Variants in TRPM5 observed in about 807,000 individuals in gnomAD.
TRPM5 encodes the protein transient receptor potential cation channel subfamily M member 5.
In TRPM5, 121 loss-of-function variants were observed where a neutral mutation model predicts 124.9. That is an observed-to-expected ratio of 0.97 (90% CI 0.84 to 1.13). TRPM5 has a LOEUF of 1.13. TRPM5 is among the 50% of genes most tolerant of loss of function. The pLI, the probability that TRPM5 is intolerant of heterozygous loss-of-function variation, is 0.00. For synonymous variants in TRPM5, 781 were observed against 700.5 expected (o/e 1.11, Z -1.81); for missense variants, 1,643 against 1,589.1 (o/e 1.03, Z -0.58).
At chr11:2,414,009 G>GGGCGCCCCCCCCC in intron 12 of TRPM5, 52 bp downstream of exon 17, 22 of 1,023,708 alleles carry the variant, frequency 2.1e-5, no homozygotes, top group African/African-American at 3.3e-5. Context: ...GGCCCAGCTC[G>GGGCGCCCCCCCCC]CCCGCCCACC....
At chr11:2,411,847 G>C in intron 16 of TRPM5, 80 bp from the exon 22 acceptor site, 2 of 1,559,944 alleles carry the variant, frequency 1.3e-6, no homozygotes, top group Non-Finnish European at 1.7e-6. Context: ...CATGCTGGCT[G>C]CGGGCAGGGC....
rs138797173 is a variant in TRPM5, at chr11:2,417,737, C to T, written c.999G>A (p.Ala333=). ...CCTGCCCGCCCTCACCTTTCACCAG[C>T]GCCTTCAGGATGACCGTGTCCAGCT... Residue 333 remains alanine (A), a synonymous_variant, in exon 7 of 24, where the codon GCG becomes GCA. Coordinates refer to ENST00000155858, the Ensembl canonical transcript of TRPM5. 1.9e-4 allele frequency: 308 copies of T among 1,585,400 alleles called. 1 individual carries two copies. In the African/African-American group the frequency reaches 3.1e-3, roughly 16 times the overall value.
At chr11:2,410,165 C>T (rs1450464199) in intron 18 of TRPM5, among the ~76,000 whole-genome samples, 1 of 152,180 alleles carries the variant, frequency 6.6e-6, no homozygotes, top group Non-Finnish European at 1.5e-5. Context: ...GATGAGCAAA[C>T]ACCAAAATGT....
At chr11:2,414,116 A>C in exon 12 of TRPM5, 1 of 1,599,844 alleles carries the variant, frequency 6.3e-7, no homozygotes, top group Non-Finnish European at 8.5e-7. Context: ...GGCCAGGTGC[A>C]GGCAGGTGGT....
chr11:2,439,008 C>G, the TRPM5 span, among the ~76,000 whole-genome samples: 1 of 152,106 alleles, frequency 6.6e-6, no homozygotes, highest in African/African-American at 2.4e-5. Context: ...GAATAGAGAG[C>G]CCAGAAGTAA....
rs1215260719 is a variant in TRPM5 at position 2,413,634 on chromosome 11, C to T, written c.1891-46G>A. ...TCGGCTCCAACTCTGCACCTTTGCC[C>T]AGGCTGCGCCCTGCCCCAGGAATGC... On this transcript the variant is annotated intron_variant, in intron 12 of 23. Transcript: ENST00000155858. 3.2e-6 allele frequency: 5 copies of T among 1,553,262 alleles called. No individual in the cohort carries two copies. In the African/African-American group the frequency reaches 6.8e-5, roughly 21 times the overall value.
intron 21 of TRPM5, 102 bp downstream of exon 26, chr11:2,406,559 G>A: frequency 6.9e-7 from 1 of 1,456,636 alleles, no homozygotes; most frequent in Non-Finnish European, 9.3e-7. Context: ...TACCCCTTCA[G>A]CTTCAGTTCG....
At chr11:2,413,330 G>A in intron 13 of TRPM5, 104 bp from the exon 19 acceptor site, 2 of 1,318,082 alleles carry the variant, frequency 1.5e-6, no homozygotes, top group South Asian at 1.5e-5. Flanking sequence ...TGCAGGGGCT[G>A]TGGGGAGTGG....
At chr11:2,410,326 G>C (rs1194390797) in intron 18 of TRPM5, among the ~76,000 whole-genome samples, 1 of 152,188 alleles carries the variant, frequency 6.6e-6, no homozygotes, top group Non-Finnish European at 1.5e-5. Context: ...ATTTATCGAG[G>C]GTCCTGAGCG....
chr11:2,418,420 T>G, intron 5 of TRPM5, 62 bp from the exon 11 acceptor site: 1 of 1,511,628 alleles, frequency 6.6e-7, no homozygotes, highest in African/African-American at 1.6e-5. Flanking sequence ...TGGATGCAGG[T>G]GTCAGGGGTG....
intron 8 of TRPM5, 102 bp downstream of exon 13, chr11:2,415,804 G>T: frequency 2.3e-6 from 2 of 888,328 alleles, no homozygotes; most frequent in Non-Finnish European, 3.5e-6. Flanking sequence ...CAGCTGGGCA[G>T]AACGGGCTCA....
intron 18 of TRPM5, among the ~76,000 whole-genome samples, chr11:2,410,929 G>C (rs1850432630): frequency 6.6e-6 from 1 of 152,192 alleles, no homozygotes; most frequent in South Asian, 2.1e-4. Flanking sequence ...TGTGAGGAGA[G>C]CTGGAGGGCC....
rs751170762 is a variant in TRPM5 at position 2,412,137 on chromosome 11, G to T, written c.2472C>A (p.Cys824Ter). 1 of 1,612,262 alleles carries T rather than the reference G, an allele frequency of 6.2e-7. No homozygotes were observed. The change falls in exon 16 of 24, where the codon TGC becomes TGA. Residue 824 changes from cysteine (C) to a stop codon, truncating the protein, a stop_gained and splice_region_variant. Transcript: ENST00000155858. LOFTEE classifies it high-confidence loss of function. ...CACGGCCTCTGGGCCCCACAGACCT[G>T]CAGGTGACACCCACGATGAACAGGA... is the stretch of plus-strand genomic sequence containing the variant.
rs138864808 is a variant in TRPM5, at chr11:2,413,154, C to G, written c.2076G>C (p.Pro692=). 4 of 1,553,388 alleles carry G rather than the reference C, an allele frequency of 2.6e-6. No homozygotes were observed. The South Asian group carries it at 3.6e-5, about 14-fold the overall frequency. Reference sequence around the variant, plus strand: ...CGCACCGGCTCTGCAGGCCATACAGCGGGCTCTTCTCCGTGTCCAGGCTGT... The same window carrying G: ...CGCACCGGCTCTGCAGGCCATACAGGGGGCTCTTCTCCGTGTCCAGGCTGT... The change falls in exon 14 of 24, where the codon CCG becomes CCC. Residue 692 remains proline (P), a synonymous_variant. Coordinates refer to ENST00000155858, the Ensembl canonical transcript of TRPM5.
At chr11:2,413,925 GC>G in intron 12 of TRPM5, 135 bp downstream of exon 17, 1 of 1,258,178 alleles carries the variant, frequency 7.9e-7, no homozygotes, top group Non-Finnish European at 1.1e-6. Flanking sequence ...AGGAACAGAA[GC>G]CCCACCCCGC....
At chr11:2,407,706 C>A in intron 19 of TRPM5, 53 bp downstream of exon 24, 1 of 1,596,902 alleles carries the variant, frequency 6.3e-7, no homozygotes. Context: ...GGGGAATGAC[C>A]CTCTGCTCCC....
Position 2,422,238 on chromosome 11 carries a change from CA to C in TRPM5, c.200del (p.Leu67ArgfsTer14). ...GCTCCTCACCCACCAGGGACACCACCAGGTTGGGGGCCGGCAGGTGCCACTC... is the reference window on the plus strand; with the variant it reads ...GCTCCTCACCCACCAGGGACACCACCGGTTGGGGGCCGGCAGGTGCCACTC... On this transcript the variant is annotated frameshift_variant, in exon 2 of 24. Coordinates refer to ENST00000155858, the Ensembl canonical transcript of TRPM5. LOFTEE classifies it high-confidence loss of function. The C allele has an allele frequency of 6.2e-7, 1 of 1,612,374 alleles. No homozygotes were observed. Among genetic ancestry groups the C allele is most frequent in the Non-Finnish European group, 8.5e-7 (1 of 1,179,750 alleles).
Position 2,421,026 on chromosome 11 carries a change from G to C in TRPM5, c.465+6C>G, listed in dbSNP as rs368603225. On this transcript the variant is annotated splice_donor_region_variant and intron_variant, in intron 3 of 23. Transcript: ENST00000155858. The stretch of plus-strand genomic sequence containing the variant: ...GCGGTCGTGGTGCTGGGAGCTGGAC[G>C]TGCACCTGGGCCTCCTCCAGAATGC... The C allele has an allele frequency of 1.3e-6, 2 of 1,536,404 alleles. No individual in the cohort carries two copies. The highest frequency in any genetic ancestry group is 5.0e-5 in the East Asian group (2 of 40,334).
In TRPM5 at chr11:2,414,745, G is replaced by A. The variant is rs374622020; in HGVS notation, c.1714C>T (p.Arg572Cys). The A allele has an allele frequency of 5.8e-6, 9 of 1,546,410 alleles. No homozygotes were observed. The highest frequency in any genetic ancestry group is 2.7e-5 in the African/African-American group (2 of 73,060). Residue 572 changes from arginine (R) to cysteine (C), a missense_variant, in exon 11 of 24, where the codon CGC becomes TGC. Coordinates refer to ENST00000155858, the Ensembl canonical transcript of TRPM5. The stretch of plus-strand genomic sequence containing the variant: ...GCCAGCCGCTCGTATTTCGCCTCGC[G>A]CGTGGCTCGGGCCGCCTCGGCCTCC...
Sources: gnomAD v4.1 joint callset for allele counts (sites outside exome capture counted in the v4.1 genomes callset) on GRCh38, gnomAD v4.1.1 for gene constraint, MANE v1.5 for transcripts, NCBI Gene and HGNC (gene_info 2026-07-23, HGNC 2026-07-21) for gene names.